The following LAMC3 variants were observed in gnomAD, a reference collection of about 807,000 sequenced individuals.
LAMC3 encodes laminin subunit gamma-3.
LAMC3 carries 128 observed loss-of-function variants against 173.8 expected under a neutral mutation model. The ratio of observed to expected loss-of-function variants is 0.74; its 90% CI spans 0.64 to 0.85. LAMC3 has a LOEUF of 0.85. Among genes scored for constraint, LAMC3 ranks in the 40% least tolerant of loss-of-function variants. The pLI, the probability that LAMC3 is intolerant of heterozygous loss-of-function variation, is 0.00. For synonymous variants in LAMC3, 897 were observed against 909.1 expected (o/e 0.99, Z 0.24); for missense variants, 2,022 against 2,156.0 (o/e 0.94, Z 1.23).
chr9:131,045,021 G>A (rs973287731), intron 7 of LAMC3, among the ~76,000 whole-genome samples: 9 of 152,084 alleles, frequency 5.9e-5, no homozygotes, highest in African/African-American at 9.7e-5. Flanking sequence ...TCAGGAGTTC[G>A]AGGTCAACCT....
chr9:131,061,588 A>T (rs1326683087), intron 13 of LAMC3, among the ~76,000 whole-genome samples: 1 of 152,210 alleles, frequency 6.6e-6, no homozygotes, highest in Non-Finnish European at 1.5e-5. Flanking sequence ...CCTTTAAAAA[A>T]TGTCATCAGG....
chr9:131,028,378 G>T (rs1172239329), intron 2 of LAMC3, among the ~76,000 whole-genome samples: 1 of 152,166 alleles, frequency 6.6e-6, no homozygotes, highest in Non-Finnish European at 1.5e-5. Flanking sequence ...CAGGGAACCT[G>T]CCCTCTCCTC....
At chr9:131,065,039 TAA>T (rs754104539) in intron 13 of LAMC3, among the ~76,000 whole-genome samples, 10 of 27,428 alleles carry the variant, frequency 3.6e-4, no homozygotes, top group Admixed American at 8.1e-4. Context: ...AGACTCCATC[TAA>T]AAAAAAAAAA....
rs749786715 is a variant in LAMC3, at chr9:131,069,771, G to A, written c.2990G>A (p.Cys997Tyr). ...TTCGAGGGCTACAAATGTGACCGCT[G>A]CCACGACAACTTCTTCCTCACGGCA... ...PGFEGYKCDRCHDNFFLTADG... is the reference protein window; with the variant it reads ...PGFEGYKCDRYHDNFFLTADG... Residue 997 changes from cysteine to tyrosine, a missense_variant, in exon 17 of 28, where the codon TGC becomes TAC. Transcript: ENST00000361069. 6.3e-7 allele frequency: 1 copy of A among 1,596,050 alleles called. No individual in the cohort carries two copies. Among genetic ancestry groups the A allele is most frequent in the Non-Finnish European group, 8.5e-7 (1 of 1,171,600 alleles).
chr9:131,051,181 A>G (rs114118511), intron 9 of LAMC3, among the ~76,000 whole-genome samples: 1,570 of 152,242 alleles, frequency 0.01, 27 homozygotes, highest in African/African-American at 0.035. Context: ...CCACCCCCCC[A>G]GTTCCCAAAT....
chr9:131,023,285 A>T (rs1278276332), intron 1 of LAMC3, among the ~76,000 whole-genome samples: 1 of 152,188 alleles, frequency 6.6e-6, no homozygotes, highest in African/African-American at 2.4e-5. Context: ...TCTCTTGGGT[A>T]TATGCTGAGG....
intron 15 of LAMC3, 103 bp downstream of exon 15, chr9:131,068,334 G>C: frequency 1.6e-6 from 2 of 1,214,778 alleles, no homozygotes; most frequent in Non-Finnish European, 2.3e-6. Context: ...TGTTGTCCTA[G>C]GCCCACTGCC....
intron 3 of LAMC3, among the ~76,000 whole-genome samples, chr9:131,034,939 A>ATTATTTATTTATTTATTTAT (rs61062373): frequency 4.4e-4 from 66 of 150,572 alleles, no homozygotes; most frequent in African/African-American, 1.5e-3. Context: ...ACCTGAGATG[A>ATTATTTATTTATTTATTTAT]TTATTTATTT....
At chr9:131,063,651 CT>C (rs1189520988) in intron 13 of LAMC3, among the ~76,000 whole-genome samples, 2 of 152,202 alleles carry the variant, frequency 1.3e-5, no homozygotes, top group African/African-American at 4.8e-5. Flanking sequence ...ATCCTGGCCC[CT>C]TGCAGCCCCT....
chr9:131,026,707 C>T lies in LAMC3; in HGVS notation c.678+118C>T. 7.1e-7 allele frequency: 1 copy of T among 1,410,116 alleles called. No individual in the cohort carries two copies. Among genetic ancestry groups the T allele is most frequent in the Non-Finnish European group, 9.3e-7 (1 of 1,078,896 alleles). 87.4% of individuals were successfully genotyped at this position (1,410,116 alleles called of 1,614,324 possible). A position where few individuals can be genotyped will look rare whatever the true frequency, so the allele number is the denominator to read the frequency against. On this transcript the variant is annotated intron_variant, in intron 2 of 27. Coordinates refer to ENST00000361069, the MANE Select transcript of LAMC3 (RefSeq NM_006059.4). The surrounding 1 kb of genome is among the most constrained non-coding windows in gnomAD (Gnocchi z 4.8). ...GGGACCTGCAAAACCCCATGGTTTT[C>T]TTTTTCTTCTTTTATTTTTGGAGAC...
In LAMC3 at chr9:131,026,436, G is replaced by C. The variant is rs755743946; in HGVS notation, c.525G>C (p.Glu175Asp). 5 of 1,613,716 alleles carry C rather than the reference G, an allele frequency of 3.1e-6. No homozygotes were observed. The highest frequency in any genetic ancestry group is 1.1e-5 in the South Asian group (1 of 91,086). ...ASCQKTYGRP[E>D]GQYLRPGEDE... ...GCCAGAAGACCTACGGCCGGCCCGA[G>C]GGCCAGTACCTGCGCCCCGGCGAGG... The change falls in exon 2 of 28, where the codon GAG becomes GAC. Residue 175 changes from glutamate to aspartate, a missense_variant. Coordinates refer to ENST00000361069, the MANE Select transcript of LAMC3 (RefSeq NM_006059.4). This position sits in a 1 kb window ranked among gnomAD's most constrained non-coding sequence, Gnocchi z 4.8.
rs1830116709 is a variant in LAMC3 at position 131,075,837 on chromosome 9, A to T, written c.3501A>T (p.Arg1167Ser). 2 of 1,610,912 alleles carry T rather than the reference A, an allele frequency of 1.2e-6. No homozygotes were observed. The highest frequency in any genetic ancestry group is 1.7e-6 in the Non-Finnish European group (2 of 1,178,942). Residue 1167 changes from arginine (R) to serine (S), a missense_variant, in exon 21 of 28, where the codon AGA becomes AGT. By Grantham distance (110) the Arg-to-Ser change is moderately radical. Coordinates refer to ENST00000361069, the MANE Select transcript of LAMC3 (RefSeq NM_006059.4). ...TEARALARSH[R>S]DTATKIAATA... ...GGTGGGTGTCCTCACACAGCCACAGAGACACCGCCACCAAGATCGCAGCCA... is the reference window on the plus strand; with the variant it reads ...GGTGGGTGTCCTCACACAGCCACAGTGACACCGCCACCAAGATCGCAGCCA...
rs373157080 is a variant in LAMC3 at position 131,069,702 on chromosome 9, C to T, written c.2921C>T (p.Ser974Leu). 41 of 1,602,302 alleles carry T rather than the reference C, an allele frequency of 2.6e-5. No individual in the cohort carries two copies. The highest frequency in any genetic ancestry group is 4.5e-5 in the East Asian group (2 of 44,394). ...AGGTGCTCCCCACTGGGCGCTGCCT[C>T]GGCCCAGTGCCACGAGAACGGCACA... ...ACRCSPLGAA[S>L]AQCHENGTCV... The change falls in exon 17 of 28, where the codon TCG becomes TTG. Residue 974 changes from serine (S) to leucine (L), a missense_variant. Physicochemically the swap from Ser to Leu is moderately radical, Grantham distance 145 (BLOSUM62 -2). Coordinates refer to ENST00000361069, the MANE Select transcript of LAMC3 (RefSeq NM_006059.4).
rs145498998 is a variant in LAMC3 at position 131,027,264 on chromosome 9, A to G, written c.678+675A>G. 6.3e-3 allele frequency among the ~76,000 whole-genome samples: 967 copies of G among 152,330 alleles called. 7 individuals carry two copies. Among genetic ancestry groups the G allele is most frequent in the African/African-American group, 0.021 (884 of 41,572 alleles). On this transcript the variant is annotated intron_variant, in intron 2 of 27. Coordinates refer to ENST00000361069, the MANE Select transcript of LAMC3 (RefSeq NM_006059.4). ...ACAGCATTTTCCAGGGGCACAAATGAGGCGTGGAAGGGCCCAGGCCAGCAC... is the reference window on the plus strand; with the variant it reads ...ACAGCATTTTCCAGGGGCACAAATGGGGCGTGGAAGGGCCCAGGCCAGCAC...
In LAMC3 at chr9:131,092,097, C is replaced by T. The variant is rs994661316; in HGVS notation, c.*310C>T. 4.4e-6 allele frequency: 2 copies of T among 451,524 alleles called. No homozygotes were observed. The highest frequency in any genetic ancestry group is 2.0e-5 in the African/African-American group (1 of 50,556). 28.0% of individuals were successfully genotyped at this position (451,524 alleles called of 1,614,324 possible). A position where few individuals can be genotyped will look rare whatever the true frequency, so the allele number is the denominator to read the frequency against. On this transcript the variant is annotated 3_prime_UTR_variant, in exon 28 of 28. Coordinates refer to ENST00000361069, the MANE Select transcript of LAMC3 (RefSeq NM_006059.4). Reference sequence around the variant, plus strand: ...TGCATGTCTGTGTGTATGACCCACACGTGTTCAAGTCTAATCCATCCAGTC... The same window carrying T: ...TGCATGTCTGTGTGTATGACCCACATGTGTTCAAGTCTAATCCATCCAGTC...
At chr9:131,042,110 C>G (rs531378896) in intron 7 of LAMC3, among the ~76,000 whole-genome samples, 2 of 152,050 alleles carry the variant, frequency 1.3e-5, no homozygotes, top group African/African-American at 4.8e-5. Flanking sequence ...AGCACTATCA[C>G]AGGCCTCCCG....
chr9:131,085,798 A>ACATCCGTGCTGACTACTCCGCACTCACTC, intron 25 of LAMC3, 75 bp downstream of exon 25: 2 of 1,415,786 alleles, frequency 1.4e-6, no homozygotes. Flanking sequence ...CCCCTTCCCG[A>ACATCCGTGCTGACTACTCCGCACTCACTC]CATCCGTGCT....
intron 23 of LAMC3, among the ~76,000 whole-genome samples, chr9:131,079,957 A>G (rs1487502038): frequency 6.6e-6 from 1 of 152,152 alleles, no homozygotes; most frequent in African/African-American, 2.4e-5. Flanking sequence ...TTTCCAAGGC[A>G]GCTGTACCGA....
intron 9 of LAMC3, among the ~76,000 whole-genome samples, chr9:131,050,847 GT>G: frequency 6.6e-6 from 1 of 152,280 alleles, no homozygotes; most frequent in South Asian, 2.1e-4. Flanking sequence ...TAGCCTGTTG[GT>G]GGACTGTGAT....
Sources: gnomAD v4.1 joint callset for allele counts (sites outside exome capture counted in the v4.1 genomes callset) on GRCh38, gnomAD v4.1.1 for gene constraint, Gnocchi (gnomAD v3.1) non-coding constraint, MANE v1.5 for transcripts, NCBI Gene and HGNC (gene_info 2026-07-23, HGNC 2026-07-21) for gene names.